SNX7: variants seen among roughly 807,000 people sequenced by gnomAD.
SNX7 encodes the protein sorting nexin-7.
In SNX7, 35 loss-of-function variants were observed where a neutral mutation model predicts 48.4. The ratio of observed to expected loss-of-function variants is 0.72; its 90% CI spans 0.55 to 0.96. The LOEUF (loss-of-function observed/expected upper bound fraction) is 0.96. Among genes scored for constraint, SNX7 ranks in the 40% least tolerant of loss-of-function variants. The pLI, the probability that SNX7 is intolerant of heterozygous loss-of-function variation, is 0.00. For missense variants in SNX7, 553 were observed against 548.9 expected (o/e 1.01, Z -0.07); for synonymous variants, 190 against 190.2 (o/e 1.00, Z 0.01).
At chr1:98,668,147 A>G (rs1465266776) in intron 1 of SNX7, among the ~76,000 whole-genome samples, 1 of 152,196 alleles carries the variant, frequency 6.6e-6, no homozygotes, top group African/African-American at 2.4e-5. Context: ...ATGATCAACA[A>G]TAAAACCAAA....
Position 98,716,437 on chromosome 1 carries a change from G to A in SNX7, c.1125+14534G>A, listed in dbSNP as rs372482790. ...GGACATTAGTCTTGTTCTACCTGCA[G>A]TGATTAACCTTTAGAGCTGAGTTGT... is the stretch of plus-strand genomic sequence containing the variant. On this transcript the variant is annotated intron_variant, in intron 7 of 8. Coordinates refer to ENST00000306121, the MANE Select transcript of SNX7 (RefSeq NM_015976.5). 2.6e-4 allele frequency among the ~76,000 whole-genome samples: 40 copies of A among 152,284 alleles called. No individual in the cohort carries two copies. In the East Asian group the frequency reaches 6.2e-3, roughly 24 times the overall value.
chr1:98,736,666 A>G (rs1023473094), intron 7 of SNX7, among the ~76,000 whole-genome samples: 1 of 152,168 alleles, frequency 6.6e-6, no homozygotes, highest in African/African-American at 2.4e-5. Context: ...ACTGAAATAC[A>G]TCTTACATTG....
intron 4 of SNX7, among the ~76,000 whole-genome samples, chr1:98,693,332 G>T (rs912386556): frequency 2.0e-5 from 3 of 152,090 alleles, no homozygotes; most frequent in Non-Finnish European, 2.9e-5. Flanking sequence ...CTATAACTCT[G>T]CAAGAAAGAT....
At chr1:98,740,172 A>G (rs1654000124) in intron 8 of SNX7, among the ~76,000 whole-genome samples, 2 of 152,192 alleles carry the variant, frequency 1.3e-5, no homozygotes, top group African/African-American at 4.8e-5. Flanking sequence ...AAGTAAATTC[A>G]AGTATCTAAA....
intron 6 of SNX7, among the ~76,000 whole-genome samples, chr1:98,699,662 T>C (rs1480275369): frequency 6.6e-6 from 1 of 152,154 alleles, no homozygotes; most frequent in African/African-American, 2.4e-5. Flanking sequence ...TCTTTGGACA[T>C]GTACCCTTGA....
At position 98,698,885 on chromosome 1, in the gene SNX7, C is replaced by A. The variant is rs1443073801; in HGVS notation, c.1018C>A (p.Leu340Ile). 1 of 1,613,444 alleles carries A rather than the reference C, an allele frequency of 6.2e-7. No homozygotes were observed. The highest frequency in any genetic ancestry group is 1.3e-5 in the African/African-American group (1 of 74,844). Reference protein sequence around the residue: ...ALLPVVHEYVLYSEMLMGVMK... With the variant: ...ALLPVVHEYVIYSEMLMGVMK... ...GCTTCCTGTTGTACATGAGTACGTG[C>A]TTTATAGTGAAATGTTAATGGTAAG... Residue 340 changes from leucine to isoleucine, a missense_variant, in exon 6 of 9, where the codon CTT becomes ATT. Transcript: ENST00000306121.
At chr1:98,726,345 G>A (rs548357542) in intron 7 of SNX7, among the ~76,000 whole-genome samples, 1 of 152,302 alleles carries the variant, frequency 6.6e-6, no homozygotes, top group East Asian at 1.9e-4. Flanking sequence ...TCTTCAAAGT[G>A]GAGCTGCCTG....
intron 7 of SNX7, among the ~76,000 whole-genome samples, chr1:98,723,548 A>T (rs1381643509): frequency 6.6e-6 from 1 of 152,020 alleles, no homozygotes; most frequent in Non-Finnish European, 1.5e-5. Context: ...TAATTTTAAT[A>T]ATTTATAGAT....
chr1:98,709,636 C>G (rs1652197672), intron 7 of SNX7, among the ~76,000 whole-genome samples: 2 of 152,184 alleles, frequency 1.3e-5, no homozygotes. Flanking sequence ...TACATCTCAG[C>G]ACCAGCAATA....
intron 7 of SNX7, among the ~76,000 whole-genome samples, chr1:98,728,306 A>T (rs970991981): frequency 2.0e-5 from 3 of 152,182 alleles, no homozygotes; most frequent in Non-Finnish European, 2.9e-5. Flanking sequence ...AGTGAAGGAG[A>T]AATAAAATCC....
intron 7 of SNX7, among the ~76,000 whole-genome samples, chr1:98,714,417 A>G (rs1570559015): frequency 9.0e-6 from 1 of 111,534 alleles, no homozygotes; most frequent in South Asian, 3.0e-4. Flanking sequence ...AGAAGACTGA[A>G]AAAGCCCGTC....
chr1:98,712,882 G>C (rs1008896235), intron 7 of SNX7, among the ~76,000 whole-genome samples: 1 of 152,020 alleles, frequency 6.6e-6, no homozygotes, highest in Admixed American at 6.6e-5. Context: ...ACCTGAGGTT[G>C]GGAGTTCGAA....
intron 8 of SNX7, among the ~76,000 whole-genome samples, chr1:98,757,242 A>G (rs1654899742): frequency 1.3e-5 from 2 of 152,104 alleles, no homozygotes; most frequent in South Asian, 2.1e-4. Flanking sequence ...TAGCAATGCA[A>G]GAACAGCCCA....
At chr1:98,734,409 GT>G (rs1474201175) in intron 7 of SNX7, among the ~76,000 whole-genome samples, 4 of 152,078 alleles carry the variant, frequency 2.6e-5, no homozygotes, top group African/African-American at 9.7e-5. Flanking sequence ...TCAATGGCTG[GT>G]GCTATTCAGT....
intron 6 of SNX7, among the ~76,000 whole-genome samples, chr1:98,700,553 T>C (rs1651691433): frequency 6.6e-6 from 1 of 152,046 alleles, no homozygotes; most frequent in Non-Finnish European, 1.5e-5. Flanking sequence ...TTGATTTTTT[T>C]TTTTTTTAAG....
chr1:98,714,932 A>G (rs994484907), intron 7 of SNX7, among the ~76,000 whole-genome samples: 5 of 152,224 alleles, frequency 3.3e-5, no homozygotes, highest in African/African-American at 1.2e-4. Flanking sequence ...TGACAAACTT[A>G]CAGAAAATTT....
chr1:98,697,882 G>C (rs1270752882), intron 5 of SNX7, among the ~76,000 whole-genome samples: 1 of 152,124 alleles, frequency 6.6e-6, no homozygotes, highest in Non-Finnish European at 1.5e-5. Flanking sequence ...TAGTTTGTCA[G>C]GTGATAGAAA....
intron 7 of SNX7, among the ~76,000 whole-genome samples, chr1:98,712,117 C>T (rs556904156): frequency 2.0e-5 from 3 of 152,134 alleles, no homozygotes; most frequent in Non-Finnish European, 4.4e-5. Flanking sequence ...CAGTTACTTC[C>T]TCCACTGAAG....
At chr1:98,716,620 A>G (rs1465626017) in intron 7 of SNX7, among the ~76,000 whole-genome samples, 1 of 152,150 alleles carries the variant, frequency 6.6e-6, no homozygotes, top group Non-Finnish European at 1.5e-5. Context: ...TTTTGATAAG[A>G]AAGTTAAGTG....
Sources: allele counts gnomAD v4.1 joint callset (sites outside exome capture counted in the v4.1 genomes callset), GRCh38; gene constraint gnomAD v4.1.1; transcripts MANE v1.5; gene names NCBI Gene and HGNC (gene_info 2026-07-23, HGNC 2026-07-21).